ABCA6: variants seen among roughly 807,000 people sequenced by gnomAD.
ABCA6 encodes ATP-binding cassette sub-family A member 6.
A neutral mutation model predicts 191.2 loss-of-function variants in ABCA6; 164 were observed. The observed-to-expected ratio is 0.86, with a 90% CI of 0.76 to 0.98. ABCA6 has a LOEUF of 0.98. Among genes scored for constraint, ABCA6 ranks in the 50% least tolerant of loss-of-function variants. ABCA6 has a pLI of 0.00. For missense variants in ABCA6, 1,958 were observed against 1,894.1 expected, an observed-to-expected ratio of 1.03 and a Z score of -0.63; for synonymous variants, 636 against 647.7, an observed-to-expected ratio of 0.98 and a Z score of 0.27.
At chr17:69,099,038 C>T (rs1598456634) in intron 22 of ABCA6, among the ~76,000 whole-genome samples, 1 of 152,078 alleles carries the variant, frequency 6.6e-6, no homozygotes, top group Non-Finnish European at 1.5e-5. Context: ...TCTTTCTGAG[C>T]AAACCCAGAG....
Position 69,126,109 on chromosome 17 carries a change from C to T in ABCA6, c.1120-1074G>A, listed in dbSNP as rs551768997. Among the ~76,000 whole-genome samples, 3 of 152,018 alleles carry T rather than the reference C, an allele frequency of 2.0e-5. No individual in the cohort carries two copies. In the East Asian group the frequency reaches 5.8e-4, roughly 29 times the overall value. On this transcript the variant is annotated intron_variant, in intron 8 of 38. Transcript: ENST00000284425. ...AGGATTGCGATGGGAAAAATATAAG[C>T]CATCATTATTTGAAGACAACATGAT...
chr17:69,087,936 G>A (rs2072840686), intron 28 of ABCA6, among the ~76,000 whole-genome samples: 1 of 152,078 alleles, frequency 6.6e-6, no homozygotes, highest in Non-Finnish European at 1.5e-5. Flanking sequence ...TGGCATATTT[G>A]GGTCCTTATT....
intron 17 of ABCA6, chr17:69,109,923 A>C (rs1313296947): frequency 6.6e-6 from 1 of 152,150 alleles, no homozygotes; most frequent in Non-Finnish European, 1.5e-5. Context: ...GTTCTCAACA[A>C]GGAAAAAAAA....
Position 69,139,607 on chromosome 17 carries a change from A to G in ABCA6, c.96+1001T>C, listed in dbSNP as rs1235028257. 2.0e-5 allele frequency among the ~76,000 whole-genome samples: 3 copies of G among 152,208 alleles called. No homozygotes were observed. In the East Asian group the frequency reaches 5.8e-4, roughly 29 times the overall value. ...CCATCTCATTACTGGGTATATACCCAAAGGACTACAAATCATGCTGCTATA... is the reference window on the plus strand; with the variant it reads ...CCATCTCATTACTGGGTATATACCCGAAGGACTACAAATCATGCTGCTATA... On this transcript the variant is annotated intron_variant, in intron 2 of 38. Transcript: ENST00000284425.
In ABCA6 at chr17:69,124,899, T is replaced by C. The variant is rs928996567; in HGVS notation, c.1256A>G (p.Lys419Arg). The change falls in exon 9 of 39, where the codon AAA (lysine) becomes AGA (arginine). Residue 419 changes from lysine (K) to arginine (R), a missense_variant. By Grantham distance (26) the Lys-to-Arg change is conservative (BLOSUM62 2). Coordinates refer to ENST00000284425, the MANE Select transcript of ABCA6 (RefSeq NM_080284.3). ...TCACTATTACTTACAGGGTAAAATT[T>C]TGTCAAAGTATAATGCCAATAGCAA... ...IYLLLALYFDKILPYGDERHY... is the reference protein window; with the variant it reads ...IYLLLALYFDRILPYGDERHY... The C allele has an allele frequency of 1.1e-5, 17 of 1,560,896 alleles. No homozygotes were observed. In the Admixed American group the frequency reaches 2.9e-4, roughly 26 times the overall value.
chr17:69,127,192 C>G (rs1018579600), intron 8 of ABCA6, among the ~76,000 whole-genome samples: 1 of 152,098 alleles, frequency 6.6e-6, no homozygotes, highest in Non-Finnish European at 1.5e-5. Context: ...AGTCAATATT[C>G]TAGAAAAACA....
intron 21 of ABCA6, 83 bp from the exon 22 acceptor site, chr17:69,101,017 G>T: frequency 1.7e-6 from 2 of 1,164,002 alleles, no homozygotes; most frequent in South Asian, 1.6e-5. Flanking sequence ...GATCCTAACA[G>T]TGCCACATGC....
Position 69,133,656 on chromosome 17 carries a change from T to G in ABCA6, c.776A>C (p.Gln259Pro). The change falls in exon 6 of 39, where the codon CAA becomes CCA. Residue 259 changes from glutamine (Q) to proline (P), a missense_variant. Transcript: ENST00000284425. ...SKNLMKMMGL[Q>P]DSAFWLSWGL... The stretch of plus-strand genomic sequence containing the variant: ...AGTCACTCACCAGAATGCTGAATCT[T>G]GGAGACCCATCATTTTCATCAAATT... 6.3e-7 allele frequency: 1 copy of G among 1,596,398 alleles called. No individual in the cohort carries two copies. Among genetic ancestry groups the G allele is most frequent in the Non-Finnish European group, 8.6e-7 (1 of 1,167,798 alleles).
At chr17:69,085,574 A>C in intron 31 of ABCA6, 51 bp downstream of exon 31, 4 of 1,204,420 alleles carry the variant, frequency 3.3e-6, no homozygotes, top group Non-Finnish European at 4.9e-6. Flanking sequence ...GATATAATCT[A>C]TACGTATCAT....
intron 34 of ABCA6, 76 bp from the exon 35 acceptor site, chr17:69,083,407 G>A: frequency 7.0e-7 from 1 of 1,436,286 alleles, no homozygotes; most frequent in South Asian, 1.6e-5. Context: ...TACAATATAT[G>A]AATCATATTC....
At chr17:69,116,273 A>C (rs546186249) in intron 11 of ABCA6, among the ~76,000 whole-genome samples, 1 of 152,246 alleles carries the variant, frequency 6.6e-6, no homozygotes, top group South Asian at 2.1e-4. Context: ...AAAGTGAGAG[A>C]TATATTAACA....
At chr17:69,098,163 G>A in intron 22 of ABCA6, 136 bp from the exon 23 acceptor site, 2 of 525,008 alleles carry the variant, frequency 3.8e-6, no homozygotes, top group Non-Finnish European at 6.3e-6. Context: ...AGGCACGAAG[G>A]TGGGAGGGAA....
chr17:69,115,716 GGAACA>G lies in ABCA6; in HGVS notation c.1496-235_1496-231del, dbSNP rs148901167. The stretch of plus-strand genomic sequence containing the variant: ...ACTGGTGCAGGATATAGTGACCAAT[GGAACA>G]GAACAGAAGTCTAATATGGACCAAA... On this transcript the variant is annotated intron_variant, in intron 11 of 38. Coordinates refer to ENST00000284425, the MANE Select transcript of ABCA6 (RefSeq NM_080284.3). 264 of 322,422 alleles carry G rather than the reference GGAACA, an allele frequency of 8.2e-4. 3 individuals are homozygous for G. The East Asian group carries it at 0.011, about 14-fold the overall frequency. The allele number at this position is 322,422 out of a possible 1,614,324, so 20.0% of individuals were successfully genotyped here. A position where few individuals can be genotyped will look rare whatever the true frequency, so the allele number is the denominator to read the frequency against.
chr17:69,122,861 C>A (rs144921295), intron 10 of ABCA6, among the ~76,000 whole-genome samples: 1 of 151,944 alleles, frequency 6.6e-6, no homozygotes, highest in East Asian at 1.9e-4. Context: ...TTGACAAAAA[C>A]AAATATCTTC....
chr17:69,085,017 C>A lies in ABCA6; in HGVS notation c.4184+11G>T. 6.3e-7 allele frequency: 1 copy of A among 1,580,526 alleles called. No individual in the cohort carries two copies. The highest frequency in any genetic ancestry group is 8.6e-7 in the Non-Finnish European group (1 of 1,167,662). The stretch of plus-strand genomic sequence containing the variant: ...ATTCTGACACAAAGGAATCGCAGGT[C>A]CCGTCTGTACCTTGCGATGGCGAGC... On this transcript the variant is annotated intron_variant, in intron 32 of 38. Coordinates refer to ENST00000284425, the MANE Select transcript of ABCA6 (RefSeq NM_080284.3).
chr17:69,113,195 T>C, intron 15 of ABCA6, 27 bp downstream of exon 15: 1 of 1,590,946 alleles, frequency 6.3e-7, no homozygotes, highest in Non-Finnish European at 8.5e-7. Flanking sequence ...TGCATCATGG[T>C]AACACTGAGA....
At chr17:69,105,695 C>T (rs1598465317) in intron 19 of ABCA6, 67 bp from the exon 20 acceptor site, 1 of 1,221,160 alleles carries the variant, frequency 8.2e-7, no homozygotes, top group African/African-American at 1.5e-5. Flanking sequence ...AGACATTCCA[C>T]AAGTATTTGT....
At chr17:69,079,453 T>C (rs1267851333) in intron 37 of ABCA6, among the ~76,000 whole-genome samples, 188 bp from the exon 38 acceptor site, 3 of 152,232 alleles carry the variant, frequency 2.0e-5, no homozygotes, top group South Asian at 2.1e-4. Flanking sequence ...TATGTTAATA[T>C]TGATGTTATT....
In ABCA6 at chr17:69,102,870, A is replaced by G. The variant is rs772187881; in HGVS notation, c.2839T>C (p.Tyr947His). The stretch of plus-strand genomic sequence containing the variant: ...CCAGAAACTATGATAGCTCCATTGT[A>G]TGAGAGGCCATCAGTACCATTTCTG... ...ENRNGTDGLS[Y>H]NGAIIVSGKQ... Residue 947 changes from tyrosine to histidine, a missense_variant, in exon 21 of 39, where the codon TAC (tyrosine) becomes CAC (histidine). Transcript: ENST00000284425. 6.3e-7 allele frequency: 1 copy of G among 1,599,434 alleles called. No individual in the cohort carries two copies. Among genetic ancestry groups the G allele is most frequent in the African/African-American group, 1.4e-5 (1 of 74,060 alleles).
Sources: allele counts gnomAD v4.1 joint callset (sites outside exome capture counted in the v4.1 genomes callset), GRCh38; gene constraint gnomAD v4.1.1; transcripts MANE v1.5; gene names NCBI Gene and HGNC (gene_info 2026-07-23, HGNC 2026-07-21).